CES5A: variants seen among roughly 807,000 people sequenced by gnomAD.
CES5A encodes carboxylesterase 5A.
Under a neutral mutation model 62.9 loss-of-function variants are expected in CES5A, and 67 were observed. That is an observed-to-expected ratio of 1.07 (90% CI 0.88 to 1.31). The LOEUF is 1.31. CES5A is among the 50% of genes most tolerant of loss of function. The pLI is 0.00. For missense variants in CES5A, 748 were observed against 708.5 expected, an observed-to-expected ratio of 1.06 and a Z score of -0.63; for synonymous variants, 296 against 280.8, an observed-to-expected ratio of 1.05 and a Z score of -0.54.
Position 55,869,757 on chromosome 16 carries a change from G to A in CES5A, c.418-13C>T, listed in dbSNP as rs1174158689. 3 of 1,594,100 alleles carry A rather than the reference G, an allele frequency of 1.9e-6. No individual in the cohort carries two copies. The highest frequency in any genetic ancestry group is 2.6e-6 in the Non-Finnish European group (3 of 1,168,240). ...ACCACACCAAGACCTGAGGAGGGGA[G>A]AAGAGCATCCAGTCAGCCCACCAGG... On this transcript the variant is annotated splice_polypyrimidine_tract_variant and intron_variant, in intron 3 of 12. Transcript: ENST00000290567.
At chr16:55,882,527 G>C (rs1413192260) in intron 1 of CES5A, among the ~76,000 whole-genome samples, 1 of 152,112 alleles carries the variant, frequency 6.6e-6, no homozygotes, top group Non-Finnish European at 1.5e-5. Context: ...CTAGGCAACA[G>C]GACTGATTGA....
At chr16:55,934,359 T>C (rs2034345551) in intron 2 of CES5A, among the ~76,000 whole-genome samples, 1 of 152,196 alleles carries the variant, frequency 6.6e-6, no homozygotes, top group African/African-American at 2.4e-5. Flanking sequence ...AATAAATAAA[T>C]AAATATGTGA....
chr16:55,872,738 T>G (rs2033617387), intron 2 of CES5A, among the ~76,000 whole-genome samples: 2 of 152,166 alleles, frequency 1.3e-5, no homozygotes, highest in Admixed American at 6.5e-5. Context: ...GTCTCTGACC[T>G]CCCATCAAAG....
At chr16:55,897,878 C>T (rs185554042) in intron 1 of CES5A, among the ~76,000 whole-genome samples, 296 of 152,216 alleles carry the variant, frequency 1.9e-3, no homozygotes, top group Non-Finnish European at 3.3e-3. Flanking sequence ...TATAGTGGAA[C>T]GCTATACAGC....
intron 1 of CES5A, among the ~76,000 whole-genome samples, chr16:55,885,235 A>G (rs1416870124): frequency 6.6e-6 from 1 of 152,110 alleles, no homozygotes; most frequent in African/African-American, 2.4e-5. Flanking sequence ...CACCACCAGC[A>G]AAATCTAGCA....
chr16:55,946,825 G>A lies in CES5A; in HGVS notation c.160+2960C>T, dbSNP rs553719384. The stretch of plus-strand genomic sequence containing the variant: ...TGGCTCTGGCCTTTGGTTTGATCCA[G>A]GTACTCCAGGCATCCCTCAGTTCTT... On this transcript the variant is annotated intron_variant, in intron 2 of 13. Coordinates refer to the CES5A transcript ENST00000521992. Among the ~76,000 whole-genome samples the A allele has an allele frequency of 5.3e-5, 8 of 152,322 alleles. No individual in the cohort carries two copies. The East Asian group carries it at 1.4e-3, about 26-fold the overall frequency.
chr16:55,856,335 T>C (rs1489259978), intron 9 of CES5A, 42 bp downstream of exon 9: 1 of 1,581,276 alleles, frequency 6.3e-7, no homozygotes, highest in Non-Finnish European at 8.7e-7. Context: ...ATCTGTTAAG[T>C]GCATGTGTCT....
At position 55,849,360 on chromosome 16, in the gene CES5A, A is replaced by AT. The variant is rs200311836; in HGVS notation, c.1423+263_1423+264insA. On this transcript the variant is annotated intron_variant, in intron 11 of 12. Coordinates refer to ENST00000290567, the MANE Select transcript of CES5A (RefSeq NM_001143685.2). Reference sequence around the variant, plus strand: ...ATGGTTCTAGTATATTAAAAAAAAAAATATTTAGATTGCTTGAGTGCCCTG... The same window carrying AT: ...ATGGTTCTAGTATATTAAAAAAAAAATATATTTAGATTGCTTGAGTGCCCTG... 8.8e-3 allele frequency among the ~76,000 whole-genome samples: 1,340 copies of AT among 151,414 alleles called. 20 individuals are homozygous for AT. Among genetic ancestry groups the AT allele is most frequent in the African/African-American group, 0.03 (1,238 of 41,240 alleles).
intron 1 of CES5A, among the ~76,000 whole-genome samples, chr16:55,921,815 G>A (rs1290940823): frequency 6.6e-6 from 1 of 151,880 alleles, no homozygotes; most frequent in Non-Finnish European, 1.5e-5. Context: ...AATAGCTACA[G>A]CAAACTGTTA....
At chr16:55,870,225 A>G (rs1406179634) in intron 3 of CES5A, among the ~76,000 whole-genome samples, 1 of 152,008 alleles carries the variant, frequency 6.6e-6, no homozygotes, top group Non-Finnish European at 1.5e-5. Flanking sequence ...TGTTTCAGAG[A>G]AAAGCTCTCT....
chr16:55,955,946 C>T (rs2034605983), exon 1 of CES5A: 6 of 1,502,348 alleles, frequency 4.0e-6, no homozygotes, highest in African/African-American at 1.4e-5. Flanking sequence ...GACACAGAGC[C>T]CCAGTCCTCT....
At chr16:55,899,524 T>A (rs2033968772) in intron 1 of CES5A, among the ~76,000 whole-genome samples, 2 of 152,190 alleles carry the variant, frequency 1.3e-5, no homozygotes, top group African/African-American at 4.8e-5. Flanking sequence ...TTTCAAACTG[T>A]CTCCTGCAAC....
At chr16:55,931,301 A>G (rs1488300394) in intron 2 of CES5A, among the ~76,000 whole-genome samples, 3 of 152,366 alleles carry the variant, frequency 2.0e-5, no homozygotes, top group African/African-American at 7.2e-5. Context: ...CATGGAGAAG[A>G]GAAATCTATG....
intron 8 of CES5A, among the ~76,000 whole-genome samples, chr16:55,857,226 C>T (rs1414604732): frequency 6.6e-6 from 1 of 152,196 alleles, no homozygotes; most frequent in East Asian, 1.9e-4. Flanking sequence ...TCAGGCTCCT[C>T]ATCTGTAAGA....
intron 1 of CES5A, among the ~76,000 whole-genome samples, chr16:55,885,961 A>G (rs1488357625): frequency 6.6e-6 from 1 of 152,232 alleles, no homozygotes; most frequent in African/African-American, 2.4e-5. Context: ...AAAGTTACAC[A>G]CACATGGCTG....
intron 1 of CES5A, among the ~76,000 whole-genome samples, chr16:55,892,087 T>A (rs2033886077): frequency 6.6e-6 from 1 of 152,200 alleles, no homozygotes; most frequent in South Asian, 2.1e-4. Flanking sequence ...TTGCCATCTA[T>A]TGTCTCTAAG....
intron 3 of CES5A, 150 bp from the exon 4 acceptor site, chr16:55,869,894 T>A: frequency 8.9e-7 from 1 of 1,125,624 alleles, no homozygotes; most frequent in Non-Finnish European, 1.2e-6. Flanking sequence ...GGCCCAGGGT[T>A]AAGCATGTGG....
At chr16:55,952,903 C>T (rs1478786296) in intron 1 of CES5A, among the ~76,000 whole-genome samples, 1 of 152,136 alleles carries the variant, frequency 6.6e-6, no homozygotes, top group Admixed American at 6.5e-5. Flanking sequence ...ACTACTCTAA[C>T]TCGTTCCATG....
At chr16:55,918,278 A>C (rs1271222819) in intron 1 of CES5A, among the ~76,000 whole-genome samples, 1 of 152,170 alleles carries the variant, frequency 6.6e-6, no homozygotes, top group African/African-American at 2.4e-5. Flanking sequence ...CACCCTCTAC[A>C]TGAGCTCTTC....
Sources: gnomAD v4.1 joint callset for allele counts (sites outside exome capture counted in the v4.1 genomes callset) on GRCh38, gnomAD v4.1.1 for gene constraint, MANE v1.5 for transcripts, NCBI Gene and HGNC (gene_info 2026-07-23, HGNC 2026-07-21) for gene names.